CDIN1: variants seen among roughly 807,000 people sequenced by gnomAD.
The protein encoded by CDIN1 is CDAN1 interacting nuclease 1.
CDIN1 carries 33 observed loss-of-function variants against 45.3 expected under a neutral mutation model. The ratio of observed to expected loss-of-function variants is 0.73; its 90% CI spans 0.55 to 0.97. The LOEUF is 0.97. Among genes scored for constraint, CDIN1 ranks in the 50% least tolerant of loss-of-function variants. The pLI, the probability that CDIN1 is intolerant of heterozygous loss-of-function variation, is 0.00. For missense variants in CDIN1, 303 were observed against 339.4 expected (o/e 0.89, Z 0.84); for synonymous variants, 118 against 124.4 (o/e 0.95, Z 0.34).
intron 10 of CDIN1, among the ~76,000 whole-genome samples, chr15:36,755,620 T>G (rs1032828702): frequency 1.3e-5 from 2 of 151,950 alleles, no homozygotes; most frequent in Non-Finnish European, 2.9e-5. Flanking sequence ...TAGACAAGAC[T>G]GTGCTAAAAT....
intron 5 of CDIN1, among the ~76,000 whole-genome samples, chr15:36,673,430 TAAAC>T (rs1057342088): frequency 2.6e-5 from 4 of 152,154 alleles, no homozygotes; most frequent in Non-Finnish European, 1.5e-5. Context: ...TTTTAATTAA[TAAAC>T]AAATTTGCTC....
intron 10 of CDIN1, among the ~76,000 whole-genome samples, chr15:36,761,968 A>G (rs1337151877): frequency 6.6e-6 from 1 of 152,190 alleles, no homozygotes; most frequent in African/African-American, 2.4e-5. Flanking sequence ...GTATACTGAA[A>G]TGGGGTTATA....
intron 8 of CDIN1, chr15:36,707,626 T>C (rs1320882701): frequency 6.6e-6 from 1 of 152,206 alleles, no homozygotes; most frequent in African/African-American, 2.4e-5. Context: ...TCATTTTTCT[T>C]TCTGAAGCAG....
At chr15:36,764,524 T>C (rs972148162) in intron 10 of CDIN1, among the ~76,000 whole-genome samples, 2 of 152,230 alleles carry the variant, frequency 1.3e-5, no homozygotes, top group African/African-American at 2.4e-5. Flanking sequence ...GTTTATCTGC[T>C]ACATAGAATC....
At chr15:36,761,661 C>T (rs747779911) in intron 10 of CDIN1, among the ~76,000 whole-genome samples, 4 of 152,190 alleles carry the variant, frequency 2.6e-5, no homozygotes, top group Admixed American at 2.0e-4. Context: ...GACACCGCAA[C>T]GAAAGCACTT....
intron 1 of CDIN1, among the ~76,000 whole-genome samples, chr15:36,637,404 GAA>G (rs2039945332): frequency 1.3e-5 from 2 of 152,134 alleles, no homozygotes; most frequent in African/African-American, 2.4e-5. Flanking sequence ...TTCATCAACT[GAA>G]AAAACTTTTG....
chr15:36,773,080 G>A (rs948593223), intron 10 of CDIN1, among the ~76,000 whole-genome samples: 4 of 151,854 alleles, frequency 2.6e-5, no homozygotes, highest in African/African-American at 9.7e-5. Context: ...GGGGTGGGGG[G>A]AGGTTCAGGA....
At chr15:36,646,904 G>A (rs1203482351) in intron 3 of CDIN1, among the ~76,000 whole-genome samples, 1 of 151,962 alleles carries the variant, frequency 6.6e-6, no homozygotes, top group African/African-American at 2.4e-5. Flanking sequence ...TGATTTTTAG[G>A]ATCACTAGGT....
intron 10 of CDIN1, among the ~76,000 whole-genome samples, chr15:36,762,934 A>G (rs1292942353): frequency 1.3e-5 from 2 of 152,078 alleles, no homozygotes; most frequent in Admixed American, 6.6e-5. Flanking sequence ...GCTATTGTGA[A>G]TAGTGCCGCA....
At chr15:36,719,211 G>A (rs1455452636) in intron 10 of CDIN1, among the ~76,000 whole-genome samples, 4 of 152,104 alleles carry the variant, frequency 2.6e-5, no homozygotes, top group Non-Finnish European at 5.9e-5. Context: ...GCAGTAGAGT[G>A]AGACTCTGTC....
intron 5 of CDIN1, among the ~76,000 whole-genome samples, chr15:36,671,392 T>C (rs115003886): frequency 0.018 from 2,760 of 152,248 alleles, 76 homozygotes; most frequent in African/African-American, 0.063. Context: ...GAAATTAGGT[T>C]GACAAGTGGA....
At chr15:36,728,664 A>T (rs560147636) in intron 10 of CDIN1, among the ~76,000 whole-genome samples, 18 of 151,846 alleles carry the variant, frequency 1.2e-4, no homozygotes, top group Non-Finnish European at 2.6e-4. Flanking sequence ...ATAAGCCTTA[A>T]AATGTGAAAA....
intron 1 of CDIN1, among the ~76,000 whole-genome samples, chr15:36,625,856 A>G (rs1252376328): frequency 6.6e-6 from 1 of 152,154 alleles, no homozygotes; most frequent in Non-Finnish European, 1.5e-5. Context: ...AGCTTAAACA[A>G]CAGAAATTTG....
chr15:36,649,238 T>C (rs981497731), intron 3 of CDIN1, among the ~76,000 whole-genome samples: 1 of 152,226 alleles, frequency 6.6e-6, no homozygotes, highest in Non-Finnish European at 1.5e-5. Flanking sequence ...AATGGTTTGC[T>C]TCTGTCTCCA....
At chr15:36,800,016 G>A (rs2054958774) in intron 10 of CDIN1, among the ~76,000 whole-genome samples, 1 of 152,144 alleles carries the variant, frequency 6.6e-6, no homozygotes, top group Non-Finnish European at 1.5e-5. Flanking sequence ...TAACATGGAT[G>A]TGAAAATATC....
At chr15:36,600,993 G>A (rs182407632) in intron 1 of CDIN1, among the ~76,000 whole-genome samples, 32 of 152,018 alleles carry the variant, frequency 2.1e-4, no homozygotes, top group Non-Finnish European at 8.8e-5. Flanking sequence ...TTTGTTTCAT[G>A]TGATTCAACA....
intron 7 of CDIN1, among the ~76,000 whole-genome samples, chr15:36,696,104 T>G (rs1388647345): frequency 1.3e-5 from 2 of 152,172 alleles, no homozygotes; most frequent in African/African-American, 4.8e-5. Flanking sequence ...GGCCTCGGTT[T>G]TCTCATCTAT....
chr15:36,791,146 T>C (rs372476643), intron 10 of CDIN1, among the ~76,000 whole-genome samples: 5 of 152,132 alleles, frequency 3.3e-5, no homozygotes, highest in African/African-American at 1.2e-4. Flanking sequence ...AAGCAAACAA[T>C]AGCAGTATTT....
intron 1 of CDIN1, among the ~76,000 whole-genome samples, chr15:36,629,504 G>A (rs1218812266): frequency 6.6e-6 from 1 of 152,120 alleles, no homozygotes; most frequent in Non-Finnish European, 1.5e-5. Context: ...CAATTATCTC[G>A]CTCATGGTAA....
Sources: allele counts gnomAD v4.1 joint callset (sites outside exome capture counted in the v4.1 genomes callset), GRCh38; gene constraint gnomAD v4.1.1; transcripts MANE v1.5; gene names NCBI Gene and HGNC (gene_info 2026-07-23, HGNC 2026-07-21).